Variants in GRID2 observed in about 807,000 individuals in gnomAD.
GRID2 encodes the protein glutamate ionotropic receptor delta type subunit 2, also known as glutamate receptor ionotropic, delta-2.
GRID2 carries 33 observed loss-of-function variants against 114.8 expected under a neutral mutation model. That is an observed-to-expected ratio of 0.29 (90% CI 0.22 to 0.38). The LOEUF (loss-of-function observed/expected upper bound fraction) is 0.38. Ranked by LOEUF, GRID2 falls within the 10% of genes least tolerant of loss-of-function variation. The probability of loss-of-function intolerance (pLI) is 1.00; values close to 1 mark genes in which losing one functional copy is unlikely to be tolerated. For missense variants in GRID2, 1,184 were observed against 1,257.7 expected, an observed-to-expected ratio of 0.94 and a Z score of 0.89; for synonymous variants, 505 against 449.9, an observed-to-expected ratio of 1.12 and a Z score of -1.55.
intron 4 of GRID2, among the ~76,000 whole-genome samples, chr4:93,188,489 G>A (rs190150822): frequency 8.5e-5 from 13 of 152,232 alleles, no homozygotes; most frequent in Admixed American, 6.5e-4. Flanking sequence ...TGGCCAGCCC[G>A]ATGATCTCTG....
At chr4:92,886,607 T>A (rs187776994) in intron 2 of GRID2, among the ~76,000 whole-genome samples, 68 of 152,028 alleles carry the variant, frequency 4.5e-4, no homozygotes, top group African/African-American at 1.1e-3. Context: ...AATTTAATTT[T>A]ATTTAATTTA....
At chr4:93,131,737 A>G (rs1734825492) in intron 4 of GRID2, among the ~76,000 whole-genome samples, 2 of 152,098 alleles carry the variant, frequency 1.3e-5, no homozygotes, top group Admixed American at 1.3e-4. Flanking sequence ...TGGGATATTC[A>G]TTACCTCAAA....
intron 8 of GRID2, among the ~76,000 whole-genome samples, chr4:93,316,244 G>A (rs1042853194): frequency 6.9e-6 from 1 of 144,470 alleles, no homozygotes; most frequent in African/African-American, 2.5e-5. Flanking sequence ...TTTCAACAAG[G>A]CAAGAAAAAA....
chr4:93,133,521 G>A (rs1337713320), intron 4 of GRID2, among the ~76,000 whole-genome samples: 1 of 152,120 alleles, frequency 6.6e-6, no homozygotes, highest in Non-Finnish European at 1.5e-5. Flanking sequence ...TAACTAATCT[G>A]TTTAAGATTG....
At chr4:93,753,158 G>A (rs1732472713) in intron 14 of GRID2, among the ~76,000 whole-genome samples, 1 of 152,088 alleles carries the variant, frequency 6.6e-6, no homozygotes, top group Non-Finnish European at 1.5e-5. Flanking sequence ...CCTTCACCCA[G>A]AGCTAAAAGA....
At chr4:92,328,468 G>A (rs902020540) in intron 1 of GRID2, among the ~76,000 whole-genome samples, 2 of 151,946 alleles carry the variant, frequency 1.3e-5, no homozygotes, top group African/African-American at 2.4e-5. Context: ...TGTTATATGT[G>A]GTTATACTCC....
At chr4:93,183,473 G>A (rs1740100169) in intron 4 of GRID2, among the ~76,000 whole-genome samples, 1 of 152,104 alleles carries the variant, frequency 6.6e-6, no homozygotes, top group African/African-American at 2.4e-5. Flanking sequence ...TACATCTAAA[G>A]AGTCCCTGTA....
At chr4:92,423,608 G>T (rs539693570) in intron 1 of GRID2, among the ~76,000 whole-genome samples, 4 of 152,158 alleles carry the variant, frequency 2.6e-5, no homozygotes, top group African/African-American at 9.6e-5. Context: ...CATTCTTATG[G>T]CATATGCTTA....
intron 2 of GRID2, among the ~76,000 whole-genome samples, chr4:92,920,716 A>T (rs938417278): frequency 7.2e-5 from 11 of 152,120 alleles, no homozygotes; most frequent in African/African-American, 2.4e-4. Context: ...CGGAGAGATC[A>T]GCTGTTATTC....
intron 2 of GRID2, among the ~76,000 whole-genome samples, chr4:92,680,126 A>G (rs1733577410): frequency 6.6e-6 from 1 of 152,098 alleles, no homozygotes; most frequent in Non-Finnish European, 1.5e-5. Context: ...AGAATAATGA[A>G]GGATGCAGCT....
At chr4:93,308,103 A>G (rs1755629838) in intron 8 of GRID2, among the ~76,000 whole-genome samples, 1 of 152,196 alleles carries the variant, frequency 6.6e-6, no homozygotes. Context: ...ATCAGAGAAA[A>G]TAATGTAAAT....
chr4:93,738,967 C>T (rs1237019839), intron 14 of GRID2, among the ~76,000 whole-genome samples: 5 of 151,950 alleles, frequency 3.3e-5, no homozygotes, highest in African/African-American at 1.2e-4. Flanking sequence ...AATCGACTCC[C>T]ACTGGAAAGC....
intron 4 of GRID2, among the ~76,000 whole-genome samples, chr4:93,159,043 T>G (rs1352602374): frequency 6.6e-6 from 1 of 151,662 alleles, no homozygotes; most frequent in Non-Finnish European, 1.5e-5. Context: ...AATATTTTAA[T>G]GGTATCATCA....
At chr4:92,661,738 T>G (rs1010858333) in intron 2 of GRID2, among the ~76,000 whole-genome samples, 1 of 151,040 alleles carries the variant, frequency 6.6e-6, no homozygotes, top group African/African-American at 2.4e-5. Context: ...TGATGATGTA[T>G]ATGTTTAATT....
At chr4:92,952,878 T>C (rs1752133216) in intron 2 of GRID2, among the ~76,000 whole-genome samples, 1 of 152,188 alleles carries the variant, frequency 6.6e-6, no homozygotes, top group East Asian at 1.9e-4. Flanking sequence ...TCACAGCTCT[T>C]AGAGCGAGAA....
At chr4:92,670,807 T>G (rs7676091) in intron 2 of GRID2, among the ~76,000 whole-genome samples, 41,131 of 151,830 alleles carry the variant, frequency 0.27, 5,580 homozygotes, top group Middle Eastern at 0.33. Flanking sequence ...AACCGGGGCT[T>G]AGAGAGGATA....
At position 92,701,000 on chromosome 4, in the gene GRID2, A is replaced by ACAAAACAAAAC. The variant is rs55764619; in HGVS notation, c.244+110714_244+110715insCAAAACAAAAC. ...CAGAGCGAGACTCCATCTCAAAAAA[A>ACAAAACAAAAC]AAAAAAAAAAGACACATACATTACA... On this transcript the variant is annotated intron_variant, in intron 2 of 15. Coordinates refer to ENST00000282020, the MANE Select transcript of GRID2 (RefSeq NM_001510.4). Among the ~76,000 whole-genome samples the ACAAAACAAAAC allele has an allele frequency of 1.9e-3, 289 of 151,586 alleles. 1 individual carries two copies. Among genetic ancestry groups the ACAAAACAAAAC allele is most frequent in the African/African-American group, 6.8e-3 (280 of 41,136 alleles).
chr4:93,501,343 C>G (rs187869163), intron 12 of GRID2, among the ~76,000 whole-genome samples: 1 of 152,034 alleles, frequency 6.6e-6, no homozygotes, highest in East Asian at 1.9e-4. Flanking sequence ...GAATTGCACA[C>G]TTTATTAGGA....
chr4:93,094,852 C>T (rs1578971231), intron 3 of GRID2, among the ~76,000 whole-genome samples: 1 of 151,658 alleles, frequency 6.6e-6, no homozygotes, highest in African/African-American at 2.4e-5. Flanking sequence ...ATTCACTGAG[C>T]CCCAAGCATA....
Sources: allele counts gnomAD v4.1 joint callset (sites outside exome capture counted in the v4.1 genomes callset), GRCh38; gene constraint gnomAD v4.1.1; transcripts MANE v1.5; gene names NCBI Gene and HGNC (gene_info 2026-07-23, HGNC 2026-07-21).